Variants in FBXL17 observed in about 807,000 individuals in gnomAD.
The protein encoded by FBXL17 is F-box/LRR-repeat protein 17.
FBXL17 carries 22 observed loss-of-function variants against 66.2 expected under a neutral mutation model. The ratio of observed to expected loss-of-function variants is 0.33; its 90% confidence interval spans 0.24 to 0.47. FBXL17 has a LOEUF of 0.47. Ranked by LOEUF, FBXL17 falls within the 20% of genes least tolerant of loss-of-function variation. The pLI is 1.00. For synonymous variants in FBXL17, 474 were observed against 400.5 expected (o/e 1.18, Z -2.19); for missense variants, 878 against 948.2 (o/e 0.93, Z 0.97).
At chr5:108,005,071 T>C (rs1753872195) in intron 7 of FBXL17, among the ~76,000 whole-genome samples, 1 of 151,300 alleles carries the variant, frequency 6.6e-6, no homozygotes, top group Non-Finnish European at 1.5e-5. Context: ...AGCAAATTGC[T>C]AGAGTGTCAA....
rs954512848 is a variant in FBXL17, at chr5:108,381,019, C to T, written c.673G>A (p.Gly225Ser). ...GCAGGCCCTCCCCCGCCACCGCCGC[C>T]GCCGCCGCCGCCGCAGCCCCCGCCG... ...CGGGGCGGGG[G>S]GGGGGGPAGG... is the part of the protein sequence containing the mutation. The change falls in exon 1 of 9, where the codon GGC (glycine) becomes AGC (serine). Residue 225 changes from glycine to serine, a missense_variant. By Grantham distance (56) the Gly-to-Ser change is moderately conservative. Around this residue, in one of 4 missense-constraint regions of FBXL17, gnomAD observed 605 missense variants for 509.5 expected, o/e 1.19. Transcript: ENST00000542267. The T allele has an allele frequency of 4.2e-6, 5 of 1,187,432 alleles. No homozygotes were observed. The highest frequency in any genetic ancestry group is 5.2e-6 in the Non-Finnish European group (5 of 959,878). The allele number at this position is 1,187,432 out of a possible 1,614,324, so 73.6% of individuals were successfully genotyped here. A position where few individuals can be genotyped will look rare whatever the true frequency, so the allele number is the denominator to read the frequency against.
At chr5:108,376,221 C>T (rs1418141859) in intron 1 of FBXL17, among the ~76,000 whole-genome samples, 1 of 152,052 alleles carries the variant, frequency 6.6e-6, no homozygotes, top group African/African-American at 2.4e-5. Context: ...AGAAACAAAA[C>T]AAGGATTTCT....
intron 6 of FBXL17, among the ~76,000 whole-genome samples, chr5:108,090,582 C>T (rs1162444405): frequency 3.3e-5 from 5 of 152,120 alleles, no homozygotes; most frequent in African/African-American, 1.2e-4. Flanking sequence ...CATTTGTAAA[C>T]AATATGTAAG....
chr5:107,954,463 T>C (rs1751596660), intron 7 of FBXL17, among the ~76,000 whole-genome samples: 1 of 152,334 alleles, frequency 6.6e-6, no homozygotes, highest in Admixed American at 6.5e-5. Context: ...CTGTAGGCCA[T>C]GGAAGGAGCA....
chr5:108,146,227 G>A (rs1253899688), intron 6 of FBXL17, among the ~76,000 whole-genome samples: 4 of 145,806 alleles, frequency 2.7e-5, no homozygotes, highest in South Asian at 2.2e-4. Flanking sequence ...GCAAGACTTC[G>A]TCTCAAAAAA....
At chr5:107,899,238 G>A (rs1337026534) in intron 7 of FBXL17, among the ~76,000 whole-genome samples, 1 of 152,080 alleles carries the variant, frequency 6.6e-6, no homozygotes, top group East Asian at 1.9e-4. Context: ...TTACTTCATT[G>A]TAAGAACACA....
rs578093605 is a variant in FBXL17 at position 108,123,869 on chromosome 5, C to T, written c.1745+62248G>A. 6.6e-5 allele frequency among the ~76,000 whole-genome samples: 10 copies of T among 152,196 alleles called. No individual in the cohort carries two copies. The South Asian group carries it at 2.1e-3, about 32-fold the overall frequency. On this transcript the variant is annotated intron_variant, in intron 6 of 8. Transcript: ENST00000542267. ...GTACTTTCATATGGAAAACATAAGA[C>T]ACCACTAACAAAATGAAGAATTTTA...
In FBXL17 at chr5:108,034,234, C is replaced by T. The variant is rs116338520; in HGVS notation, c.1746-13233G>A. On this transcript the variant is annotated intron_variant, in intron 6 of 8. Transcript: ENST00000542267. ...TTACATGTAGTTCTCCACTTTATCT[C>T]TAATGAGTTGAACTGGAAGTTGGGA... Among the ~76,000 whole-genome samples, 640 of 152,302 alleles carry T rather than the reference C, an allele frequency of 4.2e-3. 4 individuals are homozygous for T. Among genetic ancestry groups the T allele is most frequent in the African/African-American group, 0.015 (623 of 41,570 alleles).
intron 7 of FBXL17, among the ~76,000 whole-genome samples, chr5:107,929,008 A>G (rs1459876329): frequency 6.6e-6 from 1 of 152,176 alleles, no homozygotes; most frequent in African/African-American, 2.4e-5. Flanking sequence ...CATTTCTTGC[A>G]CTGCCATTTT....
intron 4 of FBXL17, among the ~76,000 whole-genome samples, chr5:108,282,818 C>T (rs1018700123): frequency 6.6e-6 from 1 of 150,382 alleles, no homozygotes; most frequent in African/African-American, 2.4e-5. Context: ...TTGCAGGATA[C>T]AAAATCAACA....
chr5:107,972,053 G>C (rs184575225), intron 7 of FBXL17, among the ~76,000 whole-genome samples: 1 of 152,192 alleles, frequency 6.6e-6, no homozygotes, highest in East Asian at 1.9e-4. Context: ...CACAGTGTTC[G>C]CAGAGTGGAG....
intron 4 of FBXL17, among the ~76,000 whole-genome samples, chr5:108,322,408 G>A (rs968552748): frequency 5.3e-5 from 8 of 151,770 alleles, no homozygotes; most frequent in South Asian, 2.1e-4. Flanking sequence ...TGTTAAGTGC[G>A]GGGGAAAAAA....
chr5:108,133,677 A>C (rs1751022694), intron 6 of FBXL17, among the ~76,000 whole-genome samples: 1 of 152,216 alleles, frequency 6.6e-6, no homozygotes, highest in Non-Finnish European at 1.5e-5. Context: ...GGTCTATAGG[A>C]AAGCAAAGAA....
chr5:108,224,277 C>A, intron 4 of FBXL17, 49 bp from the exon 5 acceptor site: 2 of 1,126,994 alleles, frequency 1.8e-6, no homozygotes, highest in Non-Finnish European at 1.3e-6. Context: ...GTCCAGTGAA[C>A]TCAAGGATTT....
At chr5:107,939,312 T>C (rs1025493) in intron 7 of FBXL17, among the ~76,000 whole-genome samples, 61,126 of 152,054 alleles carry the variant, frequency 0.4, 13,247 homozygotes, top group East Asian at 0.59. Flanking sequence ...GTCATGATTT[T>C]GCACATCTGA....
At chr5:108,298,888 T>G in intron 4 of FBXL17, 2 of 929,998 alleles carry the variant, frequency 2.2e-6, no homozygotes, top group Non-Finnish European at 2.6e-6. Flanking sequence ...AAAATGAGCC[T>G]TTTTTCCATA....
rs570798187 is a variant in FBXL17 at position 108,193,218 on chromosome 5, G to A, written c.1615-6971C>T. On this transcript the variant is annotated intron_variant, in intron 5 of 8. Coordinates refer to ENST00000542267, the MANE Select transcript of FBXL17 (RefSeq NM_001163315.3). ...GGGGTTGCTGGGCATAGATTAGCAC[G>A]ACACACTAATCCGCCAAACAGCTGT... is the stretch of plus-strand genomic sequence containing the variant. Among the ~76,000 whole-genome samples, 36 of 152,248 alleles carry A rather than the reference G, an allele frequency of 2.4e-4. No homozygotes were observed. In the South Asian group the frequency reaches 5.0e-3, roughly 21 times the overall value.
At chr5:107,872,735 C>T (rs1370952733) in intron 8 of FBXL17, among the ~76,000 whole-genome samples, 4 of 152,180 alleles carry the variant, frequency 2.6e-5, no homozygotes, top group Admixed American at 6.5e-5. Flanking sequence ...CAAGAGCTAA[C>T]GTTTATTGCT....
In FBXL17 at chr5:108,381,668, C is replaced by A; in HGVS notation, c.24G>T (p.Glu8Asp). The stretch of plus-strand genomic sequence containing the variant: ...TCTTCTGGCTCGGGCGGTTACGCGG[C>A]TCCTTCGAGAGAAGGTGGCCCATAT... MGHLLSK[E>D]PRNRPSQKRP... Residue 8 changes from glutamate (E) to aspartate (D), a missense_variant, in exon 1 of 9, where the codon GAG becomes GAT. By Grantham distance (45) the Glu-to-Asp change is conservative (BLOSUM62 2). Coordinates refer to ENST00000542267, the MANE Select transcript of FBXL17 (RefSeq NM_001163315.3). 6.8e-7 allele frequency: 1 copy of A among 1,473,270 alleles called. No homozygotes were observed. The highest frequency in any genetic ancestry group is 3.0e-5 in the East Asian group (1 of 33,484). The allele number at this position is 1,473,270 out of a possible 1,614,324, so 91.3% of individuals were successfully genotyped here. A position where few individuals can be genotyped will look rare whatever the true frequency, so the allele number is the denominator to read the frequency against.
Sources: gnomAD v4.1 joint callset for allele counts (sites outside exome capture counted in the v4.1 genomes callset) on GRCh38, gnomAD v4.1.1 for gene constraint, gnomAD v4.1.1 regional missense constraint, MANE v1.5 for transcripts, NCBI Gene and HGNC (gene_info 2026-07-23, HGNC 2026-07-21) for gene names.